CLECL1: variants seen among roughly 807,000 people sequenced by gnomAD.
CLECL1 encodes C-type lectin-like domain family 1.
At chr12:9,717,165 C>T (rs1309821959) in intron 2 of CLECL1, among the ~76,000 whole-genome samples, 1 of 152,174 alleles carries the variant, frequency 6.6e-6, no homozygotes, top group Non-Finnish European at 1.5e-5. Context: ...AATCCTAGCG[C>T]TTTGGGAGGC....
chr12:9,728,788 T>G (rs1267699163), intron 2 of CLECL1, among the ~76,000 whole-genome samples: 1 of 151,956 alleles, frequency 6.6e-6, no homozygotes, highest in Non-Finnish European at 1.5e-5. Context: ...CACTTATCCC[T>G]CTGGGCTTCA....
At chr12:9,707,335 TAGA>T in the CLECL1 span, among the ~76,000 whole-genome samples, 1 of 152,204 alleles carries the variant, frequency 6.6e-6, no homozygotes, top group Non-Finnish European at 1.5e-5. Flanking sequence ...TATACAAAAT[TAGA>T]AGTATTAGCA....
the CLECL1 span, among the ~76,000 whole-genome samples, chr12:9,708,138 C>T: frequency 2.0e-5 from 3 of 152,132 alleles, no homozygotes; most frequent in Non-Finnish European, 4.4e-5. Flanking sequence ...TCTTACCTGC[C>T]GTGCCAATGG....
downstream of CLECL1, among the ~76,000 whole-genome samples, chr12:9,713,249 T>C (rs761553434): frequency 4.6e-5 from 7 of 152,180 alleles, no homozygotes; most frequent in Non-Finnish European, 1.0e-4. Context: ...AAGTTATGAG[T>C]TGATTTTTAA....
chr12:9,707,869 G>C, the CLECL1 span, among the ~76,000 whole-genome samples: 28 of 152,264 alleles, frequency 1.8e-4, no homozygotes, highest in Non-Finnish European at 2.8e-4. Context: ...TTTTGTTACA[G>C]GCTGCAGCAA....
the CLECL1 span, among the ~76,000 whole-genome samples, chr12:9,705,257 C>CT: frequency 1.7e-3 from 246 of 145,794 alleles, 1 homozygote; most frequent in African/African-American, 3.8e-3. Context: ...TTAATGAGGT[C>CT]TTTTTTTTTT....
At chr12:9,704,542 T>A in the CLECL1 span, among the ~76,000 whole-genome samples, 1 of 152,174 alleles carries the variant, frequency 6.6e-6, no homozygotes, top group Non-Finnish European at 1.5e-5. Flanking sequence ...CATTATTTTT[T>A]AAATTCTCTC....
chr12:9,716,060 A>T (rs1022640031), exon 3 of CLECL1: 1 of 152,178 alleles, frequency 6.6e-6, no homozygotes, highest in Non-Finnish European at 1.5e-5. Flanking sequence ...ATGTGTTCTT[A>T]GTTCACCTTC....
chr12:9,714,233 T>C (rs1314725210), downstream of CLECL1, among the ~76,000 whole-genome samples: 1 of 152,248 alleles, frequency 6.6e-6, no homozygotes, highest in Non-Finnish European at 1.5e-5. Context: ...TAGTATTGTA[T>C]GATTTTTTCA....
the CLECL1 span, among the ~76,000 whole-genome samples, chr12:9,709,970 C>CA: frequency 2.2e-4 from 33 of 152,166 alleles, no homozygotes; most frequent in Non-Finnish European, 3.8e-4. Context: ...TAATGGCCAC[C>CA]ATGCAACCCC....
chr12:9,720,372 G>A (rs1355944782), downstream of CLECL1, among the ~76,000 whole-genome samples: 2 of 142,098 alleles, frequency 1.4e-5, no homozygotes, highest in African/African-American at 2.6e-5. Flanking sequence ...ATGGAGTTTC[G>A]CTCTTGTTGC....
the CLECL1 span, among the ~76,000 whole-genome samples, chr12:9,707,225 T>TAAATA: frequency 6.6e-6 from 1 of 152,208 alleles, no homozygotes; most frequent in African/African-American, 2.4e-5. Context: ...GTAAAATGAC[T>TAAATA]AAATAAAATT....
At chr12:9,702,802 C>G in the CLECL1 span, among the ~76,000 whole-genome samples, 1 of 152,214 alleles carries the variant, frequency 6.6e-6, no homozygotes, top group African/African-American at 2.4e-5. Flanking sequence ...CTCTACTCCT[C>G]TAGTAACTCT....
chr12:9,721,317 T>C (rs969894933), downstream of CLECL1, among the ~76,000 whole-genome samples: 36 of 152,196 alleles, frequency 2.4e-4, no homozygotes, highest in Non-Finnish European at 4.4e-5. Flanking sequence ...TTCTGTAACA[T>C]ATTTTATCTG....
chr12:9,709,790 T>G, the CLECL1 span, among the ~76,000 whole-genome samples: 2 of 152,284 alleles, frequency 1.3e-5, no homozygotes, highest in South Asian at 4.2e-4. Context: ...GGAAGGCTAG[T>G]ATAAATTTAT....
At chr12:9,715,774 A>G (rs980815618), downstream of CLECL1, 1 of 152,410 alleles carries the variant, frequency 6.6e-6, no homozygotes, top group African/African-American at 2.4e-5. Flanking sequence ...CTGTCTTCTT[A>G]TCCTGACCTC....
At chr12:9,703,283 G>A in the CLECL1 span, among the ~76,000 whole-genome samples, 1 of 152,116 alleles carries the variant, frequency 6.6e-6, no homozygotes, top group Admixed American at 6.5e-5. Flanking sequence ...TTCCTCCATT[G>A]TACTAATCAA....
chr12:9,709,167 C>A, the CLECL1 span: 1 of 153,122 alleles, frequency 6.5e-6, no homozygotes, highest in Non-Finnish European at 1.5e-5. Flanking sequence ...CCTTGGCTAA[C>A]AATGTAAGAT....
At chr12:9,733,401 G>T (rs1243409935), upstream of CLECL1, 3 of 590,204 alleles carry the variant, frequency 5.1e-6, no homozygotes, top group African/African-American at 3.7e-5. Context: ...ATATTCTCTG[G>T]CGGAAACTCT....
Sources: gnomAD v4.1 joint callset for allele counts (sites outside exome capture counted in the v4.1 genomes callset) on GRCh38, gnomAD v4.1.1 for gene constraint, MANE v1.5 for transcripts, NCBI Gene and HGNC (gene_info 2026-07-23, HGNC 2026-07-21) for gene names.